The following ANAPC2 variants were observed in gnomAD, a reference collection of about 807,000 sequenced individuals.
ANAPC2 encodes anaphase-promoting complex subunit 2.
A neutral mutation model predicts 84.3 loss-of-function variants in ANAPC2; 29 were observed. That is an observed-to-expected ratio of 0.34 (90% CI 0.26 to 0.47). The LOEUF (loss-of-function observed/expected upper bound fraction) is 0.47. Among genes scored for constraint, ANAPC2 ranks in the 20% least tolerant of loss-of-function variants. The pLI, the probability that ANAPC2 is intolerant of heterozygous loss-of-function variation, is 1.00. For missense variants in ANAPC2, 857 were observed against 1,131.7 expected (o/e 0.76, Z 3.48); for synonymous variants, 571 against 479.4 (o/e 1.19, Z -2.50).
At position 137,183,178 on chromosome 9, in the gene ANAPC2, G is replaced by A. The variant is rs1010460053; in HGVS notation, c.1233C>T (p.Asp411=). The change falls in exon 6 of 13, where the codon GAC becomes GAT. Residue 411 remains aspartate (D), a synonymous_variant. Coordinates refer to ENST00000323927, the MANE Select transcript of ANAPC2 (RefSeq NM_013366.4). The stretch of plus-strand genomic sequence containing the variant: ...CCACCTCCAGGATGACCATGGAAGG[G>A]TCCAGCACGCGCAGCGCCTTGATGG... ...ISAIKALRVL[D]PSMVILEVAC... The A allele has an allele frequency of 6.2e-7, 1 of 1,613,204 alleles. No homozygotes were observed. The highest frequency in any genetic ancestry group is 1.7e-5 in the Admixed American group (1 of 60,000).
intron 2 of ANAPC2, chr9:137,187,092 G>C (rs1052146845): frequency 2.3e-5 from 5 of 217,296 alleles, no homozygotes; most frequent in Admixed American, 5.1e-5. Context: ...TCTTCCTGGA[G>C]AGAAGCAGCA....
At chr9:137,184,486 G>A (rs903605071) in intron 4 of ANAPC2, among the ~76,000 whole-genome samples, 3 of 142,520 alleles carry the variant, frequency 2.1e-5, no homozygotes, top group African/African-American at 8.0e-5. Flanking sequence ...GAGCAGACAC[G>A]GCGAAGGCAC....
intron 6 of ANAPC2, 103 bp downstream of exon 6, chr9:137,183,022 G>A (rs1834377351): frequency 1.1e-6 from 1 of 919,220 alleles, no homozygotes; most frequent in East Asian, 2.4e-5. Context: ...GAGACCTTGT[G>A]TCCTGACGGC....
chr9:137,175,424 G>A lies in ANAPC2; in HGVS notation c.2069C>T (p.Ala690Val), dbSNP rs777919196. 7 of 1,604,070 alleles carry A rather than the reference G, an allele frequency of 4.4e-6. No homozygotes were observed. Among genetic ancestry groups the A allele is most frequent in the East Asian group, 4.5e-5 (2 of 44,420 alleles). Residue 690 changes from alanine to valine, a missense_variant, in exon 12 of 13, where the codon GCG becomes GTG. Physicochemically the swap from Ala to Val is moderately conservative, Grantham distance 64. This residue lies in a region of ANAPC2 where 425 missense variants were observed against 595.5 expected (regional missense o/e 0.71). Coordinates refer to ENST00000323927, the MANE Select transcript of ANAPC2 (RefSeq NM_013366.4). ...CACGGACATCCGCCGCCGCAGCAGC[G>A]CCACGGGCATCTTCACCGCCTTGCT... ...ELSKAVKMPV[A>V]LLRRRMSVWL...
At chr9:137,175,993 G>A (rs778851197) in intron 10 of ANAPC2, 156 bp from the exon 11 acceptor site, 66 of 948,084 alleles carry the variant, frequency 7.0e-5, no homozygotes, top group Non-Finnish European at 9.2e-5. Flanking sequence ...GGACTGGGTG[G>A]GGTCCCCACC....
chr9:137,186,642 G>C (rs1588765660), intron 2 of ANAPC2: 1 of 459,498 alleles, frequency 2.2e-6, no homozygotes, highest in Non-Finnish European at 3.9e-6. Flanking sequence ...GTGGCAGCAG[G>C]TGTGGCTGTC....
At position 137,185,097 on chromosome 9, in the gene ANAPC2, G is replaced by A. The variant is rs764189692; in HGVS notation, c.874-10C>T. The A allele has an allele frequency of 3.9e-6, 6 of 1,525,716 alleles. No homozygotes were observed. In the African/African-American group the frequency reaches 8.4e-5, roughly 21 times the overall value. 94.5% of individuals were successfully genotyped at this position (1,525,716 alleles called of 1,614,324 possible). A position where few individuals can be genotyped will look rare whatever the true frequency, so the allele number is the denominator to read the frequency against. On this transcript the variant is annotated splice_polypyrimidine_tract_variant and intron_variant, in intron 3 of 12. Transcript: ENST00000323927. Reference sequence around the variant, plus strand: ...CCACCCGCTCGATCCACTGTCAGGAGAACGCTAGTGTGAGCTGCAGGGAGG... The same window carrying A: ...CCACCCGCTCGATCCACTGTCAGGAAAACGCTAGTGTGAGCTGCAGGGAGG...
rs1834330976 is a variant in ANAPC2 at position 137,181,021 on chromosome 9, C to T, written c.1469-92G>A. ...CATCCCGCCCAGCCAGACGGCACAG[C>T]CCAGCATGGCTCTTCCTGAAGGCCC... On this transcript the variant is annotated intron_variant, in intron 7 of 12. Transcript: ENST00000323927. 20 of 1,501,318 alleles carry T rather than the reference C, an allele frequency of 1.3e-5. No homozygotes were observed. In the South Asian group the frequency reaches 2.0e-4, roughly 15 times the overall value. The allele number at this position is 1,501,318 out of a possible 1,614,324, so 93.0% of individuals were successfully genotyped here.
rs1468109165 is a variant in ANAPC2 at position 137,187,504 on chromosome 9, C to T, written c.717G>A (p.Gln239=). The change falls in exon 2 of 13, where the codon CAG becomes CAA. Residue 239 remains glutamine, a synonymous_variant. Coordinates refer to ENST00000323927, the MANE Select transcript of ANAPC2 (RefSeq NM_013366.4). ...QQCWCRQALE[Q]FHQLSQVLHR... ...ACAAGACCTGGCTGAGCTGATGGAA[C>T]TGCTCCAGAGCCTGGCGACACCAGC... 1.2e-6 allele frequency: 2 copies of T among 1,608,668 alleles called. No individual in the cohort carries two copies.
chr9:137,178,305 C>T (rs28719036), intron 10 of ANAPC2, among the ~76,000 whole-genome samples: 4 of 152,204 alleles, frequency 2.6e-5, no homozygotes, highest in Non-Finnish European at 5.9e-5. Context: ...CCAACAAGGT[C>T]GCTCGGCCAG....
rs1347684871 is a variant in ANAPC2 at position 137,183,777 on chromosome 9, G to A, written c.1063C>T (p.Arg355Trp). Reference sequence around the variant, plus strand: ...TACTTGAGGTCCTCGATGGCTGGCCGGGAGTCTGGGAAGTCTACAAGAAGA... The same window carrying A: ...TACTTGAGGTCCTCGATGGCTGGCCAGGAGTCTGGGAAGTCTACAAGAAGA... ...FSIVRDFPDSRPAIEDLKYCL... is the reference protein window; with the variant it reads ...FSIVRDFPDSWPAIEDLKYCL... Residue 355 changes from arginine (R) to tryptophan (W), a missense_variant, in exon 5 of 13, where the codon CGG (arginine) becomes TGG (tryptophan). Arg to Trp is a moderately radical substitution (Grantham distance 101, BLOSUM62 -3). Coordinates refer to ENST00000323927, the MANE Select transcript of ANAPC2 (RefSeq NM_013366.4). 7 of 1,613,076 alleles carry A rather than the reference G, an allele frequency of 4.3e-6. No homozygotes were observed. The highest frequency in any genetic ancestry group is 5.1e-6 in the Non-Finnish European group (6 of 1,179,870).
chr9:137,180,816 G>A lies in ANAPC2; in HGVS notation c.1582C>T (p.Leu528=), dbSNP rs1473987005. The change falls in exon 8 of 13, where the codon CTG becomes TTG. Residue 528 remains leucine (L), a synonymous_variant. Coordinates refer to ENST00000323927, the MANE Select transcript of ANAPC2 (RefSeq NM_013366.4). ...EYRSLLADRL[L]HQFSFSPERE... ...TCGGGGCTGAAGCTGAACTGGTGCAGCAGGCGGTCGGCCAGCAGCGAGCGG... is the reference window on the plus strand; with the variant it reads ...TCGGGGCTGAAGCTGAACTGGTGCAACAGGCGGTCGGCCAGCAGCGAGCGG... 6 of 1,612,264 alleles carry A rather than the reference G, an allele frequency of 3.7e-6. No individual in the cohort carries two copies. The highest frequency in any genetic ancestry group is 2.7e-5 in the African/African-American group (2 of 74,934).
intron 10 of ANAPC2, among the ~76,000 whole-genome samples, chr9:137,179,965 G>C (rs542368778): frequency 6.6e-6 from 1 of 152,258 alleles, no homozygotes; most frequent in Non-Finnish European, 1.5e-5. Flanking sequence ...TGGGCCGCGC[G>C]GACGCTCGCT....
chr9:137,174,934 G>A lies in ANAPC2; in HGVS notation c.*8C>T. 7.6e-7 allele frequency: 1 copy of A among 1,309,722 alleles called. No homozygotes were observed. The highest frequency in any genetic ancestry group is 2.0e-5 in the Admixed American group (1 of 49,198). The allele number at this position is 1,309,722 out of a possible 1,614,324, so 81.1% of individuals were successfully genotyped here. On this transcript the variant is annotated 3_prime_UTR_variant, in exon 13 of 13. Coordinates refer to ENST00000323927, the MANE Select transcript of ANAPC2 (RefSeq NM_013366.4). This position sits in a 1 kb window ranked among gnomAD's most constrained non-coding sequence, Gnocchi z 6.1. ...GCCTGGCGGGCGGGCGGGCGGGCGG[G>A]CGATGTGTCAGCTGCAGTTCTTGGG...
chr9:137,186,457 AGCAC>A (rs1834472533), intron 2 of ANAPC2, 101 bp from the exon 3 acceptor site: 2 of 1,416,598 alleles, frequency 1.4e-6, no homozygotes, highest in Non-Finnish European at 1.9e-6. Context: ...GAGTGCATGC[AGCAC>A]ACACACACAC....
chr9:137,177,851 G>A (rs1317834041), intron 10 of ANAPC2, among the ~76,000 whole-genome samples: 4 of 152,160 alleles, frequency 2.6e-5, no homozygotes, highest in Admixed American at 6.5e-5. Flanking sequence ...GGAACATCAC[G>A]GGCGACGCGG....
chr9:137,183,631 T>C lies in ANAPC2; in HGVS notation c.1168+41A>G, dbSNP rs946574411. 4 of 1,590,592 alleles carry C rather than the reference T, an allele frequency of 2.5e-6. No individual in the cohort carries two copies. The African/African-American group carries it at 5.4e-5, about 21-fold the overall frequency. On this transcript the variant is annotated intron_variant, in intron 5 of 12. Coordinates refer to ENST00000323927, the MANE Select transcript of ANAPC2 (RefSeq NM_013366.4). ...CTGGACATGGGTCCCCTGGTGAGTGTCTAAGCCCAGAGTGCTGGGTGGCCG... is the reference window on the plus strand; with the variant it reads ...CTGGACATGGGTCCCCTGGTGAGTGCCTAAGCCCAGAGTGCTGGGTGGCCG...
intron 11 of ANAPC2, 39 bp from the exon 12 acceptor site, chr9:137,175,511 A>G: frequency 6.6e-7 from 1 of 1,513,144 alleles, no homozygotes; most frequent in Non-Finnish European, 8.9e-7. Context: ...CAGCCTGGGC[A>G]CGGGCTGCAC....
rs2131335305 is a variant in ANAPC2 at position 137,180,913 on chromosome 9, C to T, written c.1485G>A (p.Lys495=). The change falls in exon 8 of 13, where the codon AAG becomes AAA. Residue 495 remains lysine (K), a synonymous_variant. Coordinates refer to ENST00000323927, the MANE Select transcript of ANAPC2 (RefSeq NM_013366.4). ...GGCTGATGATGTCCGATGAACGCCG[C>T]TTGGAGCTCGACTTCCCTGGCATGG... ...VDADPGKSSS[K]RRSSDIISLL... 1 of 1,613,408 alleles carries T rather than the reference C, an allele frequency of 6.2e-7. No individual in the cohort carries two copies.
Sources: gnomAD v4.1 joint callset for allele counts (sites outside exome capture counted in the v4.1 genomes callset) on GRCh38, gnomAD v4.1.1 for gene constraint, gnomAD v4.1.1 regional missense constraint, Gnocchi (gnomAD v3.1) non-coding constraint, MANE v1.5 for transcripts, NCBI Gene and HGNC (gene_info 2026-07-23, HGNC 2026-07-21) for gene names.